The following ROBO2 variants were observed in gnomAD, a reference collection of about 807,000 sequenced individuals.
ROBO2 encodes the protein roundabout guidance receptor 2, also known as roundabout homolog 2.
In ROBO2, 53 loss-of-function variants were observed where a neutral mutation model predicts 160.8. That is an observed-to-expected ratio of 0.33 (90% CI 0.26 to 0.41). The LOEUF (loss-of-function observed/expected upper bound fraction) is 0.41. Ranked by LOEUF, ROBO2 falls within the 10% of genes least tolerant of loss-of-function variation. The pLI is 1.00. For missense variants in ROBO2, 1,577 were observed against 1,722.4 expected (o/e 0.92, Z 1.49); for synonymous variants, 664 against 611.7 (o/e 1.09, Z -1.26).
intron 2 of ROBO2, among the ~76,000 whole-genome samples, chr3:76,599,493 AG>A (rs1422478555): frequency 5.3e-5 from 8 of 152,168 alleles, no homozygotes; most frequent in Non-Finnish European, 1.0e-4. Context: ...TATTGTGAAT[AG>A]TGCTGCAATG....
chr3:76,537,474 T>C (rs555579921), intron 2 of ROBO2, among the ~76,000 whole-genome samples: 33 of 151,556 alleles, frequency 2.2e-4, no homozygotes, highest in Non-Finnish European at 4.3e-4. Flanking sequence ...GGGGAAGAAA[T>C]TGAAGGAGAG....
At chr3:77,101,764 G>T (rs569272324) in intron 2 of ROBO2, among the ~76,000 whole-genome samples, 104 of 152,300 alleles carry the variant, frequency 6.8e-4, no homozygotes, top group African/African-American at 2.3e-3. Context: ...TTGGGGCCAG[G>T]TGTGTTGGTT....
chr3:75,956,174 C>T (rs1406775254), intron 2 of ROBO2, among the ~76,000 whole-genome samples: 1 of 151,736 alleles, frequency 6.6e-6, no homozygotes, highest in African/African-American at 2.4e-5. Flanking sequence ...CCAAAGTTTG[C>T]ATTTATTAAA....
At chr3:76,324,739 T>G (rs944312226) in intron 2 of ROBO2, among the ~76,000 whole-genome samples, 1 of 152,086 alleles carries the variant, frequency 6.6e-6, no homozygotes. Flanking sequence ...TCAAAAAACT[T>G]CTCTGGAAAA....
chr3:77,094,078 A>G (rs1156460646), intron 1 of ROBO2, among the ~76,000 whole-genome samples: 1 of 152,158 alleles, frequency 6.6e-6, no homozygotes, highest in African/African-American at 2.4e-5. Context: ...ACTGTAATTA[A>G]TTTTAGAATA....
At chr3:77,370,421 T>C (rs2071568506) in intron 2 of ROBO2, among the ~76,000 whole-genome samples, 1 of 152,242 alleles carries the variant, frequency 6.6e-6, no homozygotes, top group African/African-American at 2.4e-5. Context: ...GGCTCCGATT[T>C]TGACTTGGTG....
At chr3:76,093,808 T>C (rs1181147113) in intron 2 of ROBO2, among the ~76,000 whole-genome samples, 5 of 152,124 alleles carry the variant, frequency 3.3e-5, no homozygotes, top group Non-Finnish European at 7.4e-5. Flanking sequence ...AGTGATAGTT[T>C]ACAGGAAAAT....
intron 2 of ROBO2, among the ~76,000 whole-genome samples, chr3:76,301,459 T>G (rs1215890017): frequency 1.3e-5 from 2 of 152,066 alleles, no homozygotes; most frequent in Non-Finnish European, 1.5e-5. Context: ...TGGTGAAGAA[T>G]GTTTGTTCTT....
chr3:77,429,548 G>A (rs2078558211), intron 2 of ROBO2, among the ~76,000 whole-genome samples: 1 of 151,514 alleles, frequency 6.6e-6, no homozygotes, highest in African/African-American at 2.4e-5. Flanking sequence ...GTTTTGTTAT[G>A]TCCATGGATC....
At chr3:76,330,796 A>T (rs1232180000) in intron 2 of ROBO2, among the ~76,000 whole-genome samples, 1 of 149,836 alleles carries the variant, frequency 6.7e-6, no homozygotes, top group Non-Finnish European at 1.5e-5. Context: ...TGGGCTTAAT[A>T]AATGGTCCAG....
intron 1 of ROBO2, among the ~76,000 whole-genome samples, chr3:75,918,811 A>C (rs1946913945): frequency 6.6e-6 from 1 of 152,100 alleles, no homozygotes; most frequent in Non-Finnish European, 1.5e-5. Context: ...ATGGGAGTTT[A>C]CTAATGATTT....
intron 2 of ROBO2, among the ~76,000 whole-genome samples, chr3:76,276,598 C>T (rs1004004906): frequency 7.9e-5 from 12 of 151,896 alleles, no homozygotes; most frequent in African/African-American, 2.9e-4. Context: ...ATAAATTGTT[C>T]ATATCATTTC....
chr3:76,610,537 A>AAAGTCCCAAGGTCT (rs1336647870), intron 2 of ROBO2, among the ~76,000 whole-genome samples: 19 of 152,296 alleles, frequency 1.2e-4, no homozygotes, highest in African/African-American at 4.6e-4. Flanking sequence ...TCTTGCTCGG[A>AAAGTCCCAAGGTCT]AAGTCCCAAG....
At chr3:77,385,430 T>A (rs996417748) in intron 2 of ROBO2, among the ~76,000 whole-genome samples, 1 of 152,228 alleles carries the variant, frequency 6.6e-6, no homozygotes, top group Non-Finnish European at 1.5e-5. Context: ...AAAATTATTA[T>A]CATTTAAAAT....
intron 2 of ROBO2, among the ~76,000 whole-genome samples, chr3:77,227,017 C>T (rs1469309373): frequency 2.6e-5 from 4 of 152,064 alleles, no homozygotes; most frequent in Non-Finnish European, 5.9e-5. Flanking sequence ...TAACTTTTTT[C>T]AACAAATTTT....
chr3:76,058,654 T>A (rs548164378), intron 2 of ROBO2, among the ~76,000 whole-genome samples: 38 of 150,436 alleles, frequency 2.5e-4, no homozygotes, highest in South Asian at 8.5e-4. Flanking sequence ...CCTTTTTTTT[T>A]AATTATTATT....
intron 2 of ROBO2, among the ~76,000 whole-genome samples, chr3:76,548,457 G>A (rs1332329591): frequency 6.6e-6 from 1 of 151,936 alleles, no homozygotes; most frequent in Non-Finnish European, 1.5e-5. Flanking sequence ...GGTAAGAGAG[G>A]GATACCATTG....
At chr3:76,392,269 G>A (rs1409881017) in intron 2 of ROBO2, among the ~76,000 whole-genome samples, 1 of 151,976 alleles carries the variant, frequency 6.6e-6, no homozygotes, top group Non-Finnish European at 1.5e-5. Context: ...CAATCTCTGG[G>A]GTATCTGAGT....
intron 2 of ROBO2, among the ~76,000 whole-genome samples, chr3:76,787,682 G>T (rs1270707253): frequency 2.0e-5 from 3 of 151,454 alleles, no homozygotes; most frequent in East Asian, 3.9e-4. Flanking sequence ...AAAGTTGTTA[G>T]CTCATCTACC....
Sources: allele counts gnomAD v4.1 joint callset (sites outside exome capture counted in the v4.1 genomes callset), GRCh38; gene constraint gnomAD v4.1.1; transcripts MANE v1.5; gene names NCBI Gene and HGNC (gene_info 2026-07-23, HGNC 2026-07-21).